The following FAF1 variants were observed in gnomAD, a reference collection of about 807,000 sequenced individuals.
FAF1 encodes the protein Fas associated factor 1, also known as FAS-associated factor 1.
Under a neutral mutation model 92.5 loss-of-function variants are expected in FAF1, and 25 were observed. The observed-to-expected ratio is 0.27, with a 90% confidence interval of 0.20 to 0.38. The LOEUF is 0.38. Among genes scored for constraint, FAF1 ranks in the 10% least tolerant of loss-of-function variants. The pLI is 1.00. For synonymous variants in FAF1, 234 were observed against 273.2 expected (o/e 0.86, Z 1.42); for missense variants, 636 against 793.3 (o/e 0.80, Z 2.38).
intron 7 of FAF1, among the ~76,000 whole-genome samples, chr1:50,680,822 CGA>C (rs747394949): frequency 1.3e-4 from 20 of 152,202 alleles, no homozygotes; most frequent in South Asian, 6.2e-4. Flanking sequence ...GTCAGAATTT[CGA>C]GAGTTTTCAT....
chr1:50,771,499 C>T (rs896481769), intron 4 of FAF1, among the ~76,000 whole-genome samples: 1 of 151,984 alleles, frequency 6.6e-6, no homozygotes, highest in African/African-American at 2.4e-5. Context: ...TATATTTGGC[C>T]AAAAAAGCAT....
rs1048712523 is a variant in FAF1 at position 50,871,810 on chromosome 1, A to G, written c.46-13813T>C. 9.9e-5 allele frequency among the ~76,000 whole-genome samples: 15 copies of G among 152,278 alleles called. 1 individual carries two copies. The South Asian group carries it at 3.1e-3, about 32-fold the overall frequency. On this transcript the variant is annotated intron_variant, in intron 1 of 18. Transcript: ENST00000396153. The stretch of plus-strand genomic sequence containing the variant: ...GGGTCAAGGATTATTTTTGAATTTC[A>G]AGTCTTGTTATTTAGAAAAACGAGG...
chr1:50,461,185 A>G (rs576771235), intron 18 of FAF1, among the ~76,000 whole-genome samples: 3 of 152,184 alleles, frequency 2.0e-5, no homozygotes, highest in Admixed American at 6.5e-5. Flanking sequence ...AGCTCCCCAC[A>G]GCCTATAGAA....
At chr1:50,710,834 C>T (rs2124433807) in intron 6 of FAF1, among the ~76,000 whole-genome samples, 1 of 151,846 alleles carries the variant, frequency 6.6e-6, no homozygotes, top group South Asian at 2.1e-4. Flanking sequence ...AATTTCCTGA[C>T]CTCGTGATCC....
At chr1:50,663,220 T>A (rs986659633) in intron 7 of FAF1, among the ~76,000 whole-genome samples, 5 of 151,582 alleles carry the variant, frequency 3.3e-5, no homozygotes, top group African/African-American at 1.2e-4. Flanking sequence ...CAACAGTGGT[T>A]CTTAAAGAGG....
At chr1:50,518,175 T>C (rs907637478) in intron 15 of FAF1, among the ~76,000 whole-genome samples, 5 of 152,216 alleles carry the variant, frequency 3.3e-5, no homozygotes, top group Non-Finnish European at 5.9e-5. Context: ...CCCTACACTT[T>C]TACCTTTTCA....
At chr1:50,602,199 A>G (rs1652170680) in intron 8 of FAF1, among the ~76,000 whole-genome samples, 1 of 152,206 alleles carries the variant, frequency 6.6e-6, no homozygotes, top group South Asian at 2.1e-4. Context: ...TCAGTTTGTA[A>G]AATACAATTC....
At chr1:50,563,888 T>C (rs776187839) in intron 13 of FAF1, among the ~76,000 whole-genome samples, 4 of 152,198 alleles carry the variant, frequency 2.6e-5, no homozygotes, top group Non-Finnish European at 5.9e-5. Context: ...AAGAAGGTTA[T>C]TAGAATCATT....
chr1:50,588,598 G>A (rs1651354808), intron 9 of FAF1, among the ~76,000 whole-genome samples: 1 of 151,428 alleles, frequency 6.6e-6, no homozygotes, highest in Non-Finnish European at 1.5e-5. Context: ...ATACCAAGTG[G>A]TGTGTGTGTG....
chr1:50,808,318 C>T (rs1489649045), intron 2 of FAF1, among the ~76,000 whole-genome samples: 1 of 152,242 alleles, frequency 6.6e-6, no homozygotes, highest in Non-Finnish European at 1.5e-5. Context: ...CACTTAAGTA[C>T]ATAGATCACT....
At chr1:50,930,844 T>C (rs1645041767) in intron 1 of FAF1, among the ~76,000 whole-genome samples, 1 of 152,160 alleles carries the variant, frequency 6.6e-6, no homozygotes, top group African/African-American at 2.4e-5. Flanking sequence ...AGCCCAATTT[T>C]ACAATAAGAA....
chr1:50,819,447 T>C (rs1395060829), intron 2 of FAF1, among the ~76,000 whole-genome samples: 1 of 144,224 alleles, frequency 6.9e-6, no homozygotes, highest in African/African-American at 2.6e-5. Context: ...AGACTCTGTC[T>C]GTAGAAAATT....
At chr1:50,619,489 A>G (rs1301054782) in intron 8 of FAF1, among the ~76,000 whole-genome samples, 1 of 152,196 alleles carries the variant, frequency 6.6e-6, no homozygotes, top group African/African-American at 2.4e-5. Context: ...TCCTTCACTT[A>G]TAAAGCTTAG....
chr1:50,934,561 A>C (rs1397893549), intron 1 of FAF1, among the ~76,000 whole-genome samples: 3 of 152,106 alleles, frequency 2.0e-5, no homozygotes, highest in Non-Finnish European at 4.4e-5. Context: ...CGTCTCTACA[A>C]AAAAATTAAA....
chr1:50,499,802 A>T (rs1646960640), intron 15 of FAF1, among the ~76,000 whole-genome samples: 1 of 152,128 alleles, frequency 6.6e-6, no homozygotes, highest in African/African-American at 2.4e-5. Flanking sequence ...AGAACAAAGA[A>T]ATTTGTTACT....
chr1:50,657,734 T>C (rs568589147), intron 7 of FAF1, among the ~76,000 whole-genome samples: 2 of 152,270 alleles, frequency 1.3e-5, no homozygotes, highest in South Asian at 2.1e-4. Context: ...TCCAGTGAAA[T>C]AGAGATACTA....
At chr1:50,911,490 G>GT (rs1164451890) in intron 1 of FAF1, among the ~76,000 whole-genome samples, 1 of 150,290 alleles carries the variant, frequency 6.7e-6, no homozygotes, top group African/African-American at 2.4e-5. Context: ...GAGGTCAGGA[G>GT]TTTGAGACCA....
At chr1:50,446,941 T>A (rs1007091405) in intron 18 of FAF1, among the ~76,000 whole-genome samples, 1 of 151,886 alleles carries the variant, frequency 6.6e-6, no homozygotes, top group African/African-American at 2.4e-5. Context: ...AGGTAAGTGG[T>A]AGAGGCAGAA....
chr1:50,784,778 A>C (rs1417088700), intron 4 of FAF1, among the ~76,000 whole-genome samples: 1 of 152,174 alleles, frequency 6.6e-6, no homozygotes, highest in Non-Finnish European at 1.5e-5. Context: ...ACTCCAAAAC[A>C]TATTACAAAG....
Sources: gnomAD v4.1 joint callset for allele counts (sites outside exome capture counted in the v4.1 genomes callset) on GRCh38, gnomAD v4.1.1 for gene constraint, MANE v1.5 for transcripts, NCBI Gene and HGNC (gene_info 2026-07-23, HGNC 2026-07-21) for gene names.